Variants in CDH18 observed in about 807,000 individuals in gnomAD.
CDH18 encodes the protein cadherin-18.
CDH18 carries 31 observed loss-of-function variants against 67.9 expected under a neutral mutation model. That is an observed-to-expected ratio of 0.46 (90% confidence interval 0.34 to 0.62). CDH18 has a LOEUF of 0.62. Ranked by LOEUF, CDH18 falls within the 20% of genes least tolerant of loss-of-function variation. The probability of loss-of-function intolerance (pLI) is 0.01; values close to 1 mark genes in which losing one functional copy is unlikely to be tolerated. For missense variants in CDH18, 890 were observed against 975.5 expected, an observed-to-expected ratio of 0.91 and a Z score of 1.17; for synonymous variants, 362 against 347.2, an observed-to-expected ratio of 1.04 and a Z score of -0.48.
chr5:20,067,362 T>C (rs1055583757), intron 2 of CDH18, among the ~76,000 whole-genome samples: 3 of 151,534 alleles, frequency 2.0e-5, no homozygotes, highest in Non-Finnish European at 4.4e-5. Flanking sequence ...AGACTTCCTC[T>C]GATTATTTGG....
At chr5:19,661,315 A>C (rs1448527339) in intron 5 of CDH18, among the ~76,000 whole-genome samples, 1 of 151,982 alleles carries the variant, frequency 6.6e-6, no homozygotes, top group Non-Finnish European at 1.5e-5. Flanking sequence ...TTTTGTAAAA[A>C]ATAAATACCA....
At chr5:19,490,353 T>C (rs933966702) in intron 11 of CDH18, among the ~76,000 whole-genome samples, 3 of 149,912 alleles carry the variant, frequency 2.0e-5, no homozygotes, top group Admixed American at 6.7e-5. Flanking sequence ...ATGATAAAAT[T>C]AGTTTTTTTT....
chr5:20,171,159 A>C (rs1736677703), intron 2 of CDH18, among the ~76,000 whole-genome samples: 1 of 152,094 alleles, frequency 6.6e-6, no homozygotes, highest in South Asian at 2.1e-4. Flanking sequence ...TGCTATTGTG[A>C]ATAGTGCTGC....
rs775975472 is a variant in CDH18 at position 19,622,196 on chromosome 5, C to T, written c.644-9595G>A. Among the ~76,000 whole-genome samples the T allele has an allele frequency of 7.9e-5, 12 of 152,058 alleles. 1 individual carries two copies. Among genetic ancestry groups the T allele is most frequent in the Non-Finnish European group, 1.6e-4 (11 of 68,010 alleles). ...TCTAACAGCATTGGAATCAAAGGTC[C>T]GCATTGTAGGGAATTTCCTTCAAGA... On this transcript the variant is annotated intron_variant, in intron 5 of 12. Transcript: ENST00000382275.
chr5:19,564,411 C>A (rs531023766), intron 8 of CDH18, among the ~76,000 whole-genome samples: 8 of 152,238 alleles, frequency 5.3e-5, no homozygotes, highest in African/African-American at 1.9e-4. Flanking sequence ...AATAGGGCAG[C>A]AGACAGAATC....
At chr5:19,963,208 T>C (rs1448184887) in intron 2 of CDH18, among the ~76,000 whole-genome samples, 3 of 152,158 alleles carry the variant, frequency 2.0e-5, no homozygotes, top group African/African-American at 7.2e-5. Context: ...TTTCCATTTA[T>C]GAAGGTTTAA....
At chr5:20,007,449 T>C (rs1240058112) in intron 2 of CDH18, among the ~76,000 whole-genome samples, 1 of 152,030 alleles carries the variant, frequency 6.6e-6, no homozygotes, top group Admixed American at 6.6e-5. Flanking sequence ...ATATATAATT[T>C]TGAGAAAAAA....
intron 2 of CDH18, among the ~76,000 whole-genome samples, chr5:20,034,920 A>C (rs1739718733): frequency 6.6e-6 from 1 of 151,978 alleles, no homozygotes. Flanking sequence ...TTATTCACGT[A>C]CTCTTCCTTC....
chr5:20,298,981 G>T (rs934175816), intron 1 of CDH18, among the ~76,000 whole-genome samples: 1 of 152,130 alleles, frequency 6.6e-6, no homozygotes, highest in South Asian at 2.1e-4. Flanking sequence ...GTAAGATGGG[G>T]AGATATAGGA....
At chr5:20,085,846 T>C (rs555304718) in intron 2 of CDH18, among the ~76,000 whole-genome samples, 3 of 152,294 alleles carry the variant, frequency 2.0e-5, no homozygotes, top group Non-Finnish European at 4.4e-5. Flanking sequence ...GTATTCAAGA[T>C]GAGATTTGGG....
At chr5:19,501,554 A>G (rs1475853920) in intron 11 of CDH18, among the ~76,000 whole-genome samples, 2 of 151,998 alleles carry the variant, frequency 1.3e-5, no homozygotes, top group Non-Finnish European at 2.9e-5. Flanking sequence ...AATAATAGCA[A>G]AATTATTCTG....
At chr5:20,550,895 C>G (rs978104081) in intron 1 of CDH18, among the ~76,000 whole-genome samples, 1 of 152,126 alleles carries the variant, frequency 6.6e-6, no homozygotes, top group African/African-American at 2.4e-5. Context: ...AAAGCAGGAG[C>G]TGGTGTATCA....
chr5:19,550,751 T>C (rs1337351752), intron 8 of CDH18, among the ~76,000 whole-genome samples: 2 of 152,220 alleles, frequency 1.3e-5, no homozygotes, highest in African/African-American at 4.8e-5. Context: ...TATAGCAGCA[T>C]GATTTATAAT....
intron 1 of CDH18, among the ~76,000 whole-genome samples, chr5:20,503,230 C>A (rs1754447797): frequency 8.4e-6 from 1 of 119,676 alleles, no homozygotes. Flanking sequence ...AATAACTTAG[C>A]TTTTTATTTC....
chr5:20,006,295 G>A (rs1736899313), intron 2 of CDH18, among the ~76,000 whole-genome samples: 1 of 151,830 alleles, frequency 6.6e-6, no homozygotes, highest in African/African-American at 2.4e-5. Context: ...ATTTTCCACA[G>A]AAGTAGGGAG....
chr5:19,677,422 A>G (rs1759654042), intron 5 of CDH18, among the ~76,000 whole-genome samples: 1 of 152,072 alleles, frequency 6.6e-6, no homozygotes, highest in South Asian at 2.1e-4. Flanking sequence ...AAATACAGAA[A>G]TTTAATAAAA....
At chr5:19,797,213 T>A (rs1326144838) in intron 3 of CDH18, among the ~76,000 whole-genome samples, 1 of 151,192 alleles carries the variant, frequency 6.6e-6, no homozygotes, top group East Asian at 1.9e-4. Context: ...ACCATGTAAA[T>A]TTTTTTTTAT....
chr5:20,089,234 T>G (rs1745226739), intron 2 of CDH18, among the ~76,000 whole-genome samples: 2 of 152,136 alleles, frequency 1.3e-5, no homozygotes, highest in Admixed American at 6.5e-5. Context: ...TTTTTTTGTT[T>G]CATTGTTTCT....
chr5:20,135,781 G>A (rs1749660389), intron 2 of CDH18, among the ~76,000 whole-genome samples: 1 of 151,882 alleles, frequency 6.6e-6, no homozygotes, highest in East Asian at 1.9e-4. Context: ...CAGAGATTCT[G>A]GTATGTTGTG....
Sources: gnomAD v4.1 joint callset for allele counts (sites outside exome capture counted in the v4.1 genomes callset) on GRCh38, gnomAD v4.1.1 for gene constraint, MANE v1.5 for transcripts, NCBI Gene and HGNC (gene_info 2026-07-23, HGNC 2026-07-21) for gene names.